TSGA10: variants seen among roughly 807,000 people sequenced by gnomAD.
TSGA10 encodes the protein testis specific 10.
Under a neutral mutation model 96.6 loss-of-function variants are expected in TSGA10, and 43 were observed. That is an observed-to-expected ratio of 0.44 (90% CI 0.35 to 0.57). The LOEUF (loss-of-function observed/expected upper bound fraction) is 0.57, where lower values mean the gene tolerates loss of function less well. Among genes scored for constraint, TSGA10 ranks in the 20% least tolerant of loss-of-function variants. The pLI is 0.01. For synonymous variants in TSGA10, 229 were observed against 269.9 expected (o/e 0.85, Z 1.48); for missense variants, 703 against 834.4 (o/e 0.84, Z 1.94).
intron 4 of TSGA10, among the ~76,000 whole-genome samples, chr2:99,113,409 A>C (rs1201719953): frequency 6.6e-6 from 1 of 152,152 alleles, no homozygotes; most frequent in Non-Finnish European, 1.5e-5. Flanking sequence ...TTCCACAAAG[A>C]ATACATGAAG....
intron 10 of TSGA10, among the ~76,000 whole-genome samples, chr2:99,082,132 T>G (rs1460239989): frequency 2.6e-5 from 4 of 152,214 alleles, no homozygotes; most frequent in African/African-American, 7.2e-5. Context: ...AATTAACTGA[T>G]AAGGTACTGG....
intron 10 of TSGA10, chr2:99,102,855 A>T: frequency 1.2e-6 from 1 of 861,952 alleles, no homozygotes; most frequent in Non-Finnish European, 2.0e-6. Context: ...TAGTTTTCAG[A>T]CTTAAAGCAT....
chr2:99,083,956 G>A (rs2087893920), intron 10 of TSGA10, among the ~76,000 whole-genome samples: 1 of 152,156 alleles, frequency 6.6e-6, no homozygotes, highest in South Asian at 2.1e-4. Context: ...TTGTACCAAT[G>A]TCAATTTTCT....
At chr2:99,003,717 C>T (rs770675317) in intron 20 of TSGA10, among the ~76,000 whole-genome samples, 2 of 152,074 alleles carry the variant, frequency 1.3e-5, no homozygotes, top group Non-Finnish European at 2.9e-5. Context: ...GGGTAAATAA[C>T]GAGATGAAGG....
At chr2:99,098,674 G>A (rs2090370791) in intron 10 of TSGA10, among the ~76,000 whole-genome samples, 1 of 151,816 alleles carries the variant, frequency 6.6e-6, no homozygotes, top group Non-Finnish European at 1.5e-5. Context: ...ACCACCAACT[G>A]CAGAATAGAA....
intron 16 of TSGA10, among the ~76,000 whole-genome samples, chr2:99,042,239 G>C (rs2082265220): frequency 6.6e-6 from 1 of 152,122 alleles, no homozygotes; most frequent in Non-Finnish European, 1.5e-5. Flanking sequence ...GCCTTTGTGA[G>C]CCAAGACAGG....
chr2:99,006,443 A>G lies in TSGA10; in HGVS notation c.2073-8222T>C, dbSNP rs543167973. Among the ~76,000 whole-genome samples the G allele has an allele frequency of 2.0e-5, 3 of 152,364 alleles. No homozygotes were observed. The South Asian group carries it at 6.2e-4, about 32-fold the overall frequency. On this transcript the variant is annotated intron_variant, in intron 20 of 20. Transcript: ENST00000393483. ...ATCTACAATGAACTCAAACGAATTT[A>G]CAAGAAAAAAAACAAACAACCCCAT... is the stretch of plus-strand genomic sequence containing the variant.
intron 18 of TSGA10, among the ~76,000 whole-genome samples, chr2:99,020,011 T>C (rs1216247022): frequency 1.3e-5 from 2 of 152,188 alleles, no homozygotes; most frequent in African/African-American, 4.8e-5. Flanking sequence ...TTTTTTCTCA[T>C]TTTGTTATAT....
chr2:99,030,697 A>C (rs1332820084), intron 17 of TSGA10, among the ~76,000 whole-genome samples: 1 of 152,222 alleles, frequency 6.6e-6, no homozygotes, highest in Non-Finnish European at 1.5e-5. Flanking sequence ...GTACTTCTAC[A>C]TACTAGCAAG....
intron 14 of TSGA10, among the ~76,000 whole-genome samples, chr2:99,069,618 G>A (rs1420452717): frequency 7.0e-6 from 1 of 143,362 alleles, no homozygotes; most frequent in Non-Finnish European, 1.5e-5. Flanking sequence ...GAACAACATA[G>A]TGGGAACCCA....
At chr2:99,128,975 T>C (rs1216043146) in intron 1 of TSGA10, among the ~76,000 whole-genome samples, 3 of 152,176 alleles carry the variant, frequency 2.0e-5, no homozygotes, top group South Asian at 2.1e-4. Flanking sequence ...CTTTAACTCC[T>C]GGGCTCAAGA....
intron 6 of TSGA10, 33 bp from the exon 7 acceptor site, chr2:99,109,024 T>C (rs2091591116): frequency 6.8e-7 from 1 of 1,472,868 alleles, no homozygotes; most frequent in East Asian, 2.3e-5. Context: ...AAATCTTCTT[T>C]GATATATAGT....
intron 17 of TSGA10, among the ~76,000 whole-genome samples, chr2:99,020,820 A>C (rs528578362): frequency 4.5e-4 from 68 of 152,062 alleles, no homozygotes; most frequent in Non-Finnish European, 7.8e-4. Context: ...CTTTGTCCTG[A>C]GTTAGGTGAG....
chr2:99,114,642 C>G (rs2092099462), intron 4 of TSGA10, among the ~76,000 whole-genome samples: 1 of 152,142 alleles, frequency 6.6e-6, no homozygotes. Context: ...AAAATTCCAC[C>G]TGTAAATTTA....
At chr2:99,021,421 C>T (rs998460738) in intron 17 of TSGA10, among the ~76,000 whole-genome samples, 8 of 151,854 alleles carry the variant, frequency 5.3e-5, no homozygotes, top group African/African-American at 9.7e-5. Context: ...ACATAAAGAA[C>T]GCATATAAAC....
Position 99,084,424 on chromosome 2 carries a change from G to T in TSGA10, c.612-3027C>A, listed in dbSNP as rs191418999. Among the ~76,000 whole-genome samples the T allele has an allele frequency of 5.9e-5, 9 of 152,214 alleles. 1 individual carries two copies. The East Asian group carries it at 1.2e-3, about 20-fold the overall frequency. On this transcript the variant is annotated intron_variant, in intron 10 of 20. Transcript: ENST00000393483. Reference sequence around the variant, plus strand: ...TTCACATGAGATCTGGCTGTTCAAAGAAATCTGGGACCTCCCCTTTTCTCT... The same window carrying T: ...TTCACATGAGATCTGGCTGTTCAAATAAATCTGGGACCTCCCCTTTTCTCT...
At chr2:99,083,017 G>A (rs1175558199) in intron 10 of TSGA10, among the ~76,000 whole-genome samples, 1 of 151,782 alleles carries the variant, frequency 6.6e-6, no homozygotes, top group Non-Finnish European at 1.5e-5. Flanking sequence ...ACAGATCAGA[G>A]GTCCTATATT....
chr2:99,102,343 G>C (rs1374985798), intron 10 of TSGA10: 3 of 1,612,754 alleles, frequency 1.9e-6, no homozygotes, highest in Non-Finnish European at 2.5e-6. Flanking sequence ...AGGGGTTCTA[G>C]CTCACAAAGC....
chr2:99,154,647 C>T (rs1158058193), intron 1 of TSGA10, 46 bp downstream of exon 1: 2 of 199,508 alleles, frequency 1.0e-5, no homozygotes, highest in African/African-American at 2.4e-5. Context: ...CCCCTAAACT[C>T]GCTCCACGAA....
Sources: allele counts gnomAD v4.1 joint callset (sites outside exome capture counted in the v4.1 genomes callset), GRCh38; gene constraint gnomAD v4.1.1; transcripts MANE v1.5; gene names NCBI Gene and HGNC (gene_info 2026-07-23, HGNC 2026-07-21).